PTPRG: variants seen among roughly 807,000 people sequenced by gnomAD.
The protein encoded by PTPRG is protein tyrosine phosphatase receptor type G, also known as receptor-type tyrosine-protein phosphatase gamma.
Under a neutral mutation model 165.3 loss-of-function variants are expected in PTPRG, and 102 were observed. The observed-to-expected ratio is 0.62, with a 90% CI of 0.53 to 0.73. PTPRG has a LOEUF of 0.73. Ranked by LOEUF, PTPRG falls within the 30% of genes least tolerant of loss-of-function variation. The pLI is 0.00. For synonymous variants in PTPRG, 675 were observed against 669.5 expected, an observed-to-expected ratio of 1.01 and a Z score of -0.13; for missense variants, 1,866 against 1,861.4, an observed-to-expected ratio of 1.00 and a Z score of -0.05.
intron 6 of PTPRG, among the ~76,000 whole-genome samples, chr3:62,146,344 G>T (rs777972033): frequency 6.6e-6 from 1 of 152,146 alleles, no homozygotes; most frequent in Non-Finnish European, 1.5e-5. Flanking sequence ...GGCTATTCAT[G>T]ACCTTGGATT....
chr3:61,913,386 A>AT (rs2038851621), intron 2 of PTPRG, among the ~76,000 whole-genome samples: 1 of 151,836 alleles, frequency 6.6e-6, no homozygotes, highest in African/African-American at 2.4e-5. Context: ...CGCCCGCCTA[A>AT]TTTTTTGTAT....
At chr3:61,810,399 G>A (rs955272584) in intron 2 of PTPRG, among the ~76,000 whole-genome samples, 1 of 152,302 alleles carries the variant, frequency 6.6e-6, no homozygotes, top group East Asian at 1.9e-4. Flanking sequence ...CTAAGAATCT[G>A]AGGTAAGGAA....
chr3:62,053,374 C>A (rs1040027017), intron 4 of PTPRG, among the ~76,000 whole-genome samples: 5 of 149,076 alleles, frequency 3.4e-5, no homozygotes, highest in Non-Finnish European at 7.4e-5. Flanking sequence ...TCAAGTGATT[C>A]TCCTGCCTCA....
intron 2 of PTPRG, among the ~76,000 whole-genome samples, chr3:61,974,231 C>T (rs901284237): frequency 6.6e-6 from 1 of 151,714 alleles, no homozygotes; most frequent in African/African-American, 2.4e-5. Flanking sequence ...GTACATGGAA[C>T]TTTTTTTGTA....
intron 4 of PTPRG, among the ~76,000 whole-genome samples, chr3:62,024,882 T>A (rs994112872): frequency 2.6e-5 from 4 of 152,220 alleles, no homozygotes; most frequent in African/African-American, 9.6e-5. Flanking sequence ...ATTTTCCAAT[T>A]CATCAGTATC....
intron 2 of PTPRG, among the ~76,000 whole-genome samples, chr3:61,924,708 C>T (rs954158019): frequency 6.6e-6 from 1 of 152,162 alleles, no homozygotes; most frequent in African/African-American, 2.4e-5. Context: ...TAAAGTTTTT[C>T]TGAAAAGGGC....
At chr3:62,178,640 C>T (rs1463583701) in intron 8 of PTPRG, among the ~76,000 whole-genome samples, 2 of 152,206 alleles carry the variant, frequency 1.3e-5, no homozygotes, top group African/African-American at 4.8e-5. Flanking sequence ...TGTCAGGATG[C>T]TCTCAGGCAG....
At chr3:62,268,418 T>C (rs1701954161) in intron 19 of PTPRG, among the ~76,000 whole-genome samples, 1 of 152,048 alleles carries the variant, frequency 6.6e-6, no homozygotes, top group Admixed American at 6.6e-5. Flanking sequence ...GATAGGTGCA[T>C]CAAACCACTA....
At chr3:61,925,712 C>T (rs2039191340) in intron 2 of PTPRG, among the ~76,000 whole-genome samples, 1 of 151,318 alleles carries the variant, frequency 6.6e-6, no homozygotes, top group South Asian at 2.1e-4. Context: ...CACTGCCTTC[C>T]AGCCTGGGTG....
intron 2 of PTPRG, among the ~76,000 whole-genome samples, chr3:61,979,902 T>C (rs2107676516): frequency 6.6e-6 from 1 of 152,282 alleles, no homozygotes; most frequent in East Asian, 1.9e-4. Context: ...TGCTGTTGAG[T>C]GAGTGCCTTG....
At position 62,255,919 on chromosome 3, in the gene PTPRG, G is replaced by A. The variant is rs1701526200; in HGVS notation, c.2559+704G>A. 6.6e-6 allele frequency among the ~76,000 whole-genome samples: 1 copy of A among 152,090 alleles called. No individual in the cohort carries two copies. The highest frequency in any genetic ancestry group is 1.5e-5 in the Non-Finnish European group (1 of 68,032). The stretch of plus-strand genomic sequence containing the variant: ...GGCATGTACCACCCTGCCAACTCTG[G>A]GTTCTGTGCCAGTTCAGCAGTGACA... On this transcript the variant is annotated intron_variant, in intron 16 of 29. Transcript: ENST00000474889. The surrounding 1 kb of genome is among the most constrained non-coding windows in gnomAD (Gnocchi z 4.0).
At chr3:62,270,543 G>A (rs1702026831) in intron 20 of PTPRG, among the ~76,000 whole-genome samples, 1 of 152,106 alleles carries the variant, frequency 6.6e-6, no homozygotes, top group Non-Finnish European at 1.5e-5. Flanking sequence ...AACAGCTTAA[G>A]TCAGAGGAAG....
At chr3:62,236,786 C>T (rs1701042681) in intron 14 of PTPRG, among the ~76,000 whole-genome samples, 1 of 152,132 alleles carries the variant, frequency 6.6e-6, no homozygotes, top group African/African-American at 2.4e-5. Context: ...TGTGGTCCTC[C>T]ACCCTGCCCA....
At chr3:61,925,513 A>G (rs893874721) in intron 2 of PTPRG, among the ~76,000 whole-genome samples, 13 of 152,126 alleles carry the variant, frequency 8.5e-5, no homozygotes, top group African/African-American at 2.7e-4. Context: ...GGAGGCTGAG[A>G]TGGGCAGATC....
At chr3:62,128,531 T>A (rs1406221614) in intron 5 of PTPRG, among the ~76,000 whole-genome samples, 1 of 151,764 alleles carries the variant, frequency 6.6e-6, no homozygotes, top group African/African-American at 2.4e-5. Flanking sequence ...AAGTGTTAGG[T>A]CAACTTGTTG....
At chr3:61,983,149 T>TTTAAGAC (rs1478842559) in intron 2 of PTPRG, among the ~76,000 whole-genome samples, 5 of 152,184 alleles carry the variant, frequency 3.3e-5, no homozygotes, top group Non-Finnish European at 7.4e-5. Context: ...ATGCATGCCT[T>TTTAAGAC]TTAAGACTTT....
At chr3:61,905,067 G>A (rs1004150986) in intron 2 of PTPRG, among the ~76,000 whole-genome samples, 3 of 152,042 alleles carry the variant, frequency 2.0e-5, no homozygotes, top group South Asian at 2.1e-4. Context: ...GAAGGAAAAG[G>A]CTTCATTCTC....
At chr3:61,964,110 C>T (rs2040215638) in intron 2 of PTPRG, among the ~76,000 whole-genome samples, 1 of 152,168 alleles carries the variant, frequency 6.6e-6, no homozygotes, top group Non-Finnish European at 1.5e-5. Context: ...GTAGAATTGT[C>T]TCATGTGGAA....
intron 5 of PTPRG, 128 bp from the exon 6 acceptor site, chr3:62,132,474 T>C: frequency 1.3e-6 from 1 of 743,504 alleles, no homozygotes; most frequent in Non-Finnish European, 2.5e-6. Flanking sequence ...AGAGCCATGG[T>C]GTATGTGAGA....
Sources: allele counts gnomAD v4.1 joint callset (sites outside exome capture counted in the v4.1 genomes callset), GRCh38; gene constraint gnomAD v4.1.1; non-coding constraint Gnocchi (gnomAD v3.1); transcripts MANE v1.5; gene names NCBI Gene and HGNC (gene_info 2026-07-23, HGNC 2026-07-21).